Variants in RBKS observed in about 807,000 individuals in gnomAD.
RBKS encodes ribokinase.
RBKS carries 33 observed loss-of-function variants against 33.9 expected under a neutral mutation model. That is an observed-to-expected ratio of 0.97 (90% CI 0.74 to 1.30). The LOEUF (loss-of-function observed/expected upper bound fraction) is 1.30. Among genes scored for constraint, RBKS ranks in the 50% most tolerant of loss-of-function variants. The pLI is 0.00. For synonymous variants in RBKS, 125 were observed against 143.0 expected (o/e 0.87, Z 0.90); for missense variants, 361 against 392.6 (o/e 0.92, Z 0.68).
intron 1 of RBKS, among the ~76,000 whole-genome samples, chr2:27,885,737 T>A (rs1664513926): frequency 6.6e-6 from 1 of 152,246 alleles, no homozygotes; most frequent in Admixed American, 6.5e-5. Flanking sequence ...AACTTATTTC[T>A]ACTGATACTG....
At chr2:27,798,268 C>T (rs1052757284) in intron 7 of RBKS, among the ~76,000 whole-genome samples, 2 of 152,046 alleles carry the variant, frequency 1.3e-5, no homozygotes, top group Admixed American at 1.3e-4. Context: ...CCAGACTCTC[C>T]TCTGTCTTTG....
chr2:27,827,883 G>T, intron 6 of RBKS, 128 bp from the exon 7 acceptor site: 1 of 708,748 alleles, frequency 1.4e-6, no homozygotes, highest in Non-Finnish European at 2.2e-6. Context: ...AACCTTGATA[G>T]ATACTGGTAC....
At chr2:27,825,042 C>T (rs993383761) in intron 7 of RBKS, among the ~76,000 whole-genome samples, 4 of 151,856 alleles carry the variant, frequency 2.6e-5, no homozygotes, top group African/African-American at 9.7e-5. Flanking sequence ...GAGACTGAGG[C>T]AGGAGGATCA....
At chr2:27,800,622 A>G (rs928104763) in intron 7 of RBKS, among the ~76,000 whole-genome samples, 6 of 152,342 alleles carry the variant, frequency 3.9e-5, no homozygotes, top group Admixed American at 3.3e-4. Context: ...GAGAAAGCCC[A>G]TGACCTAGGT....
intron 7 of RBKS, among the ~76,000 whole-genome samples, chr2:27,826,853 T>G (rs950924928): frequency 1.3e-5 from 2 of 152,180 alleles, no homozygotes; most frequent in Non-Finnish European, 2.9e-5. Context: ...GCACAGTACC[T>G]TACATAAAAA....
rs142916112 is a variant in RBKS at position 27,889,843 on chromosome 2, C to T, written c.89+414G>A. 1,257 of 167,878 alleles carry T rather than the reference C, an allele frequency of 7.5e-3. 14 individuals carry two copies. Among genetic ancestry groups the T allele is most frequent in the African/African-American group, 0.029 (1,216 of 42,102 alleles). 10.4% of individuals were successfully genotyped at this position (167,878 alleles called of 1,614,324 possible). Reference sequence around the variant, plus strand: ...GGATAATGTTACGCTTGACAAAACACTTTACTTCATTTAGTCCTCACAACA... The same window carrying T: ...GGATAATGTTACGCTTGACAAAACATTTTACTTCATTTAGTCCTCACAACA... On this transcript the variant is annotated intron_variant, in intron 1 of 7. Transcript: ENST00000302188.
intron 1 of RBKS, among the ~76,000 whole-genome samples, chr2:27,872,364 A>C (rs1369543436): frequency 6.6e-6 from 1 of 152,240 alleles, no homozygotes; most frequent in Non-Finnish European, 1.5e-5. Flanking sequence ...AAATTAATAA[A>C]TAAAACAAGC....
rs887577076 is a variant in RBKS, at chr2:27,795,199, T to C, written c.796-13411A>G. On this transcript the variant is annotated intron_variant, in intron 7 of 7. Coordinates refer to ENST00000302188, the MANE Select transcript of RBKS (RefSeq NM_022128.3). This position sits in a 1 kb window ranked among gnomAD's most constrained non-coding sequence, Gnocchi z 4.1. ...TGTGTGTTCAATTAATGCTTGCTGA[T>C]GGACCGTCTCTCAGTTGCCCCAGTC... Among the ~76,000 whole-genome samples, 3 of 152,200 alleles carry C rather than the reference T, an allele frequency of 2.0e-5. No individual in the cohort carries two copies. Among genetic ancestry groups the C allele is most frequent in the Admixed American group, 2.0e-4 (3 of 15,280 alleles).
At chr2:27,797,242 C>T (rs984228142) in intron 7 of RBKS, among the ~76,000 whole-genome samples, 1 of 152,178 alleles carries the variant, frequency 6.6e-6, no homozygotes, top group African/African-American at 2.4e-5. Flanking sequence ...GGCAAAGTGG[C>T]ATTGCGCAAG....
intron 1 of RBKS, among the ~76,000 whole-genome samples, chr2:27,868,966 C>T (rs992420387): frequency 2.0e-5 from 3 of 152,146 alleles, no homozygotes; most frequent in Non-Finnish European, 4.4e-5. Flanking sequence ...TTATAACTAT[C>T]AATTCACTTA....
intron 7 of RBKS, among the ~76,000 whole-genome samples, chr2:27,804,861 C>CA (rs1230330066): frequency 6.6e-6 from 1 of 151,964 alleles, no homozygotes; most frequent in South Asian, 2.1e-4. Context: ...CTCGTCTCTA[C>CA]AAAAAAATGC....
intron 7 of RBKS, among the ~76,000 whole-genome samples, chr2:27,812,355 C>G (rs556763734): frequency 2.0e-3 from 301 of 152,328 alleles, no homozygotes; most frequent in Non-Finnish European, 3.6e-3. Flanking sequence ...CATCCCATTA[C>G]TGGGTACATA....
At chr2:27,823,373 T>G (rs1027529818) in intron 7 of RBKS, among the ~76,000 whole-genome samples, 1 of 152,220 alleles carries the variant, frequency 6.6e-6, no homozygotes, top group African/African-American at 2.4e-5. Context: ...GGGAAATGGC[T>G]TCTTCTAGGC....
intron 5 of RBKS, among the ~76,000 whole-genome samples, chr2:27,835,258 A>G (rs956665158): frequency 6.7e-6 from 1 of 149,472 alleles, no homozygotes; most frequent in African/African-American, 2.5e-5. Context: ...CCTGGGCAAC[A>G]AGAGCGAAAC....
intron 7 of RBKS, among the ~76,000 whole-genome samples, chr2:27,818,435 C>T (rs1377980715): frequency 6.6e-6 from 1 of 152,152 alleles, no homozygotes; most frequent in African/African-American, 2.4e-5. Flanking sequence ...AATCAAGAGG[C>T]AGGGTGGTGA....
At chr2:27,835,344 A>T (rs1162831417) in intron 5 of RBKS, among the ~76,000 whole-genome samples, 1 of 152,028 alleles carries the variant, frequency 6.6e-6, no homozygotes, top group Admixed American at 6.6e-5. Flanking sequence ...TGTTAAAAAG[A>T]GTAAAGTAGA....
At chr2:27,819,031 C>A (rs1238073666) in intron 7 of RBKS, among the ~76,000 whole-genome samples, 1 of 152,208 alleles carries the variant, frequency 6.6e-6, no homozygotes, top group Non-Finnish European at 1.5e-5. Context: ...AGCCAATTTT[C>A]TAGCATTCAC....
chr2:27,786,610 G>T (rs980352690), intron 7 of RBKS, among the ~76,000 whole-genome samples: 1 of 152,064 alleles, frequency 6.6e-6, no homozygotes, highest in African/African-American at 2.4e-5. Context: ...GTGAAACCCC[G>T]TCTCTACGAA....
At chr2:27,880,714 T>G (rs886190442) in intron 1 of RBKS, among the ~76,000 whole-genome samples, 1 of 151,972 alleles carries the variant, frequency 6.6e-6, no homozygotes, top group East Asian at 1.9e-4. Context: ...TCCAGGGAGA[T>G]GAAAAATCTC....
Sources: gnomAD v4.1 joint callset for allele counts (sites outside exome capture counted in the v4.1 genomes callset) on GRCh38, gnomAD v4.1.1 for gene constraint, Gnocchi (gnomAD v3.1) non-coding constraint, MANE v1.5 for transcripts, NCBI Gene and HGNC (gene_info 2026-07-23, HGNC 2026-07-21) for gene names.